CRISPLD1: variants seen among roughly 807,000 people sequenced by gnomAD.
CRISPLD1 encodes the protein cysteine-rich secretory protein LCCL domain-containing 1.
A neutral mutation model predicts 77.5 loss-of-function variants in CRISPLD1; 60 were observed. The observed-to-expected ratio is 0.77, with a 90% CI of 0.63 to 0.96. The LOEUF (loss-of-function observed/expected upper bound fraction) is 0.96, where lower values mean the gene tolerates loss of function less well. Among genes scored for constraint, CRISPLD1 ranks in the 40% least tolerant of loss-of-function variants. The probability of loss-of-function intolerance (pLI) is 0.00; values close to 1 mark genes in which losing one functional copy is unlikely to be tolerated. For synonymous variants in CRISPLD1, 195 were observed against 200.1 expected, an observed-to-expected ratio of 0.97 and a Z score of 0.22; for missense variants, 623 against 615.8, an observed-to-expected ratio of 1.01 and a Z score of -0.12.
At chr8:74,995,441 T>C (rs1177195924) in intron 2 of CRISPLD1, among the ~76,000 whole-genome samples, 1 of 152,216 alleles carries the variant, frequency 6.6e-6, no homozygotes, top group Non-Finnish European at 1.5e-5. Flanking sequence ...CATTACTTAT[T>C]TATCAAACAT....
At chr8:74,987,499 A>G (rs1812514224) in intron 2 of CRISPLD1, among the ~76,000 whole-genome samples, 1 of 152,268 alleles carries the variant, frequency 6.6e-6, no homozygotes, top group African/African-American at 2.4e-5. Context: ...ACATACTTCA[A>G]GATCTCAGTA....
intron 2 of CRISPLD1, among the ~76,000 whole-genome samples, chr8:74,989,088 G>C (rs540427138): frequency 7.7e-4 from 117 of 152,250 alleles, no homozygotes; most frequent in African/African-American, 2.7e-3. Flanking sequence ...TCGTAGGCAA[G>C]AGTTGGGGGT....
At chr8:75,017,596 A>G (rs931499863) in intron 10 of CRISPLD1, 146 bp downstream of exon 10, 6 of 742,774 alleles carry the variant, frequency 8.1e-6, no homozygotes, top group Non-Finnish European at 1.0e-5. Flanking sequence ...TAGTTTTCTT[A>G]GACAAAAAGA....
intron 2 of CRISPLD1, among the ~76,000 whole-genome samples, chr8:74,995,780 T>A (rs1007285865): frequency 6.6e-6 from 1 of 152,224 alleles, no homozygotes; most frequent in African/African-American, 2.4e-5. Context: ...TTGCAAATTA[T>A]GCCTCTATTT....
At chr8:75,017,511 AT>A (rs545259926) in intron 10 of CRISPLD1, 61 bp downstream of exon 10, 4,132 of 1,345,924 alleles carry the variant, frequency 3.1e-3, no homozygotes, top group South Asian at 4.4e-3. Flanking sequence ...GAGCTAACAC[AT>A]TTTTTTTTAG....
intron 2 of CRISPLD1, among the ~76,000 whole-genome samples, chr8:75,005,475 A>G (rs563117483): frequency 2.0e-5 from 3 of 152,130 alleles, no homozygotes; most frequent in Non-Finnish European, 2.9e-5. Flanking sequence ...TCATTTGAAC[A>G]ATGCATACTT....
intron 2 of CRISPLD1, among the ~76,000 whole-genome samples, chr8:74,992,777 A>G (rs1563607129): frequency 6.6e-6 from 1 of 152,298 alleles, no homozygotes; most frequent in East Asian, 1.9e-4. Context: ...TCGCTAGGCA[A>G]CCAGAACCCA....
intron 2 of CRISPLD1, among the ~76,000 whole-genome samples, chr8:74,995,944 C>T (rs1812639946): frequency 6.6e-6 from 1 of 151,652 alleles, no homozygotes; most frequent in Non-Finnish European, 1.5e-5. Context: ...CAAATTATTG[C>T]ACATGCTTTA....
chr8:75,016,494 ATAT>A, intron 6 of CRISPLD1, 68 bp from the exon 7 acceptor site: 4 of 1,374,538 alleles, frequency 2.9e-6, no homozygotes, highest in Non-Finnish European at 4.0e-6. Flanking sequence ...GTATTAAAGT[ATAT>A]TATTATTTGA....
At chr8:75,023,966 C>A (rs1013648656) in intron 12 of CRISPLD1, among the ~76,000 whole-genome samples, 3 of 152,042 alleles carry the variant, frequency 2.0e-5, no homozygotes, top group African/African-American at 7.2e-5. Context: ...TGTATTAGAG[C>A]CTGAACAACA....
intron 2 of CRISPLD1, among the ~76,000 whole-genome samples, chr8:74,998,962 AAT>A (rs1812690179): frequency 6.6e-6 from 1 of 152,072 alleles, no homozygotes; most frequent in African/African-American, 2.4e-5. Context: ...GATGTTAGAT[AAT>A]ATGGATCAAG....
At chr8:74,988,893 C>T (rs567488681) in intron 2 of CRISPLD1, among the ~76,000 whole-genome samples, 4 of 152,188 alleles carry the variant, frequency 2.6e-5, no homozygotes, top group Non-Finnish European at 2.9e-5. Context: ...AGCTCATTGG[C>T]GTTGAGAATA....
intron 2 of CRISPLD1, among the ~76,000 whole-genome samples, chr8:74,997,195 A>C (rs148427312): frequency 0.013 from 1,971 of 152,320 alleles, 18 homozygotes; most frequent in Middle Eastern, 0.027. Flanking sequence ...GCAGAGAGTT[A>C]AGAGGCTATT....
intron 2 of CRISPLD1, among the ~76,000 whole-genome samples, chr8:74,996,625 AAAG>A (rs1812649525): frequency 6.6e-6 from 1 of 152,084 alleles, no homozygotes. Flanking sequence ...GGAATTTAAC[AAAG>A]AAGGACTGTG....
chr8:75,004,513 C>G (rs973266045), intron 2 of CRISPLD1, among the ~76,000 whole-genome samples: 2 of 152,182 alleles, frequency 1.3e-5, no homozygotes, highest in African/African-American at 2.4e-5. Flanking sequence ...GTATTCTGAA[C>G]TGTCCAGTGT....
chr8:75,022,421 C>G (rs1159960490), intron 12 of CRISPLD1, among the ~76,000 whole-genome samples: 1 of 151,784 alleles, frequency 6.6e-6, no homozygotes, highest in Non-Finnish European at 1.5e-5. Flanking sequence ...CCCATCTCTA[C>G]TAAAAATACA....
At position 75,032,272 on chromosome 8, in the gene CRISPLD1, A is replaced by T; in HGVS notation, c.*30A>T. ...GAATACTTGGAAGAGGACCATAAAG[A>T]CTATTCCAAATGCAATATTTCTGAA... On this transcript the variant is annotated 3_prime_UTR_variant, in exon 15 of 15. Transcript: ENST00000262207. The T allele has an allele frequency of 1.3e-6, 2 of 1,525,856 alleles. No homozygotes were observed. The highest frequency in any genetic ancestry group is 1.8e-6 in the Non-Finnish European group (2 of 1,106,994). The allele number at this position is 1,525,856 out of a possible 1,614,324, so 94.5% of individuals were successfully genotyped here.
chr8:75,001,988 A>T (rs1459696610), intron 2 of CRISPLD1, among the ~76,000 whole-genome samples: 3 of 152,144 alleles, frequency 2.0e-5, no homozygotes, highest in African/African-American at 4.8e-5. Flanking sequence ...ATATATATGT[A>T]TGTTAGTGAA....
chr8:75,002,309 C>G (rs960684272), intron 2 of CRISPLD1, among the ~76,000 whole-genome samples: 3 of 149,296 alleles, frequency 2.0e-5, no homozygotes, highest in Non-Finnish European at 4.4e-5. Flanking sequence ...ACATTAATTA[C>G]AGCAAATCAA....
Sources: allele counts gnomAD v4.1 joint callset (sites outside exome capture counted in the v4.1 genomes callset), GRCh38; gene constraint gnomAD v4.1.1; transcripts MANE v1.5; gene names NCBI Gene and HGNC (gene_info 2026-07-23, HGNC 2026-07-21).